UBR2: variants seen among roughly 807,000 people sequenced by gnomAD.
UBR2 encodes ubiquitin protein ligase E3 component n-recognin 2.
In UBR2, 92 loss-of-function variants were observed where a neutral mutation model predicts 247.9. That is an observed-to-expected ratio of 0.37 (90% CI 0.31 to 0.44). UBR2 has a LOEUF of 0.44. UBR2 is among the 20% of genes least tolerant of loss of function. The pLI is 1.00. For missense variants in UBR2, 1,613 were observed against 2,112.6 expected, an observed-to-expected ratio of 0.76 and a Z score of 4.64; for synonymous variants, 672 against 693.5, an observed-to-expected ratio of 0.97 and a Z score of 0.49.
intron 15 of UBR2, among the ~76,000 whole-genome samples, chr6:42,637,540 C>T (rs1215280606): frequency 1.3e-5 from 2 of 152,174 alleles, no homozygotes; most frequent in African/African-American, 4.8e-5. Flanking sequence ...TCATCGAATC[C>T]AGCTTCAAAG....
chr6:42,684,998 G>C, intron 44 of UBR2, 127 bp downstream of exon 44: 1 of 719,230 alleles, frequency 1.4e-6, no homozygotes, highest in Non-Finnish European at 2.1e-6. Context: ...TTTATGAGAG[G>C]AGAGGGAGAA....
chr6:42,571,666 C>T (rs1791149628), intron 1 of UBR2, among the ~76,000 whole-genome samples: 1 of 149,792 alleles, frequency 6.7e-6, no homozygotes, highest in African/African-American at 2.5e-5. Flanking sequence ...TCACTTGAAC[C>T]TGGGAGGCAG....
chr6:42,605,138 TCCCAGTATTTA>T (rs1793622208), intron 5 of UBR2, among the ~76,000 whole-genome samples: 1 of 152,116 alleles, frequency 6.6e-6, no homozygotes, highest in South Asian at 2.1e-4. Context: ...GTGCTCCATC[TCCCAGTATTTA>T]CCTTTGCCAC....
intron 8 of UBR2, among the ~76,000 whole-genome samples, chr6:42,614,177 C>CAAAAAAAA (rs1167450076): frequency 8.8e-5 from 1 of 11,392 alleles, no homozygotes; most frequent in African/African-American, 4.2e-4. Context: ...ACTCTGTCTC[C>CAAAAAAAA]AAAAAAAAAA....
At chr6:42,602,610 TG>T (rs1793454574) in intron 4 of UBR2, among the ~76,000 whole-genome samples, 1 of 150,094 alleles carries the variant, frequency 6.7e-6, no homozygotes, top group Non-Finnish European at 1.5e-5. Flanking sequence ...TGTGTTTTTG[TG>T]TGTGTGTGTG....
In UBR2 at chr6:42,564,207, G is replaced by T; in HGVS notation, c.-113G>T. 8.1e-7 allele frequency: 1 copy of T among 1,236,080 alleles called. No individual in the cohort carries two copies. The highest frequency in any genetic ancestry group is 1.1e-6 in the Non-Finnish European group (1 of 886,578). 76.6% of individuals were successfully genotyped at this position (1,236,080 alleles called of 1,614,324 possible). A position where few individuals can be genotyped will look rare whatever the true frequency, so the allele number is the denominator to read the frequency against. ...CTGTTGCTCCACCTGCAGCCACTTGGACGGCTCCGGGACTGATTGCCTGGG... is the reference window on the plus strand; with the variant it reads ...CTGTTGCTCCACCTGCAGCCACTTGTACGGCTCCGGGACTGATTGCCTGGG... On this transcript the variant is annotated 5_prime_UTR_variant, in exon 1 of 47. Coordinates refer to ENST00000372901, the MANE Select transcript of UBR2 (RefSeq NM_001363705.2).
Position 42,603,508 on chromosome 6 carries a change from G to A in UBR2, c.532-80G>A, listed in dbSNP as rs1371099492. ...AGTCAACTTTTTACTATACTATTTT[G>A]AGGGATGGAAGCAGAATGAAAATTA... On this transcript the variant is annotated intron_variant, in intron 4 of 46. Transcript: ENST00000372901. The A allele has an allele frequency of 3.0e-6, 4 of 1,345,588 alleles. No homozygotes were observed. In the African/African-American group the frequency reaches 4.5e-5, roughly 15 times the overall value. The allele number at this position is 1,345,588 out of a possible 1,614,324, so 83.4% of individuals were successfully genotyped here.
chr6:42,658,646 A>C lies in UBR2; in HGVS notation c.3064A>C (p.Ser1022Arg). The C allele has an allele frequency of 3.1e-6, 5 of 1,592,926 alleles. No homozygotes were observed. Among genetic ancestry groups the C allele is most frequent in the Middle Eastern group, 3.4e-4 (2 of 5,956 alleles). Residue 1022 changes from serine to arginine, a missense_variant and splice_region_variant, in exon 29 of 47, where the codon AGT becomes CGT. This residue lies in a region of UBR2 where 1,524 missense variants were observed against 1,967.3 expected (regional missense o/e 0.77). Transcript: ENST00000372901. The part of the protein sequence containing the change: ...AETEGTIMEE[S>R]SRDKDKAERK... ...CTAATTGAATGGAGCATAATTTCAG[A>C]GTTCAAGGGACAAAGACAAAGCTGA...
chr6:42,586,031 T>G (rs1306244121), intron 2 of UBR2, among the ~76,000 whole-genome samples: 4 of 152,154 alleles, frequency 2.6e-5, no homozygotes, highest in African/African-American at 7.2e-5. Context: ...TCTAACAAAA[T>G]TACACATTCT....
intron 23 of UBR2, among the ~76,000 whole-genome samples, chr6:42,651,147 A>G: frequency 6.6e-6 from 1 of 151,930 alleles, no homozygotes; most frequent in East Asian, 1.9e-4. Flanking sequence ...ACTTGAGCCC[A>G]GGAGGTCAAG....
At chr6:42,646,810 T>TAGAG (rs200969308) in intron 21 of UBR2, among the ~76,000 whole-genome samples, 27 of 146,566 alleles carry the variant, frequency 1.8e-4, no homozygotes, top group African/African-American at 6.1e-4. Context: ...TATATGTTTA[T>TAGAG]ATATATATAT....
At position 42,564,319 on chromosome 6, in the gene UBR2, G is replaced by A. The variant is rs143829853; in HGVS notation, c.-1G>A. On this transcript the variant is annotated 5_prime_UTR_variant, in exon 1 of 47. Coordinates refer to ENST00000372901, the MANE Select transcript of UBR2 (RefSeq NM_001363705.2). ...AGCGCTGGGGAGGAGGAGGAGAGAA[G>A]ATGGCGTCGGAGCTAGAGCCAGAGG... 2.2e-3 allele frequency: 3,557 copies of A among 1,609,992 alleles called. 11 individuals are homozygous for A. The highest frequency in any genetic ancestry group is 7.5e-3 in the Middle Eastern group (45 of 5,986).
Position 42,651,905 on chromosome 6 carries a change from T to C in UBR2, c.2566-118T>C, listed in dbSNP as rs530881099. On this transcript the variant is annotated intron_variant, in intron 23 of 46. Transcript: ENST00000372901. The stretch of plus-strand genomic sequence containing the variant: ...GGTGGGCAGATCACAAGGTCAGGAG[T>C]TCAAGACCAGCCTGGCCAACATAGT... The C allele has an allele frequency of 7.0e-5, 66 of 943,164 alleles. 1 individual carries two copies. The African/African-American group carries it at 9.5e-4, about 14-fold the overall frequency. 58.4% of individuals were successfully genotyped at this position (943,164 alleles called of 1,614,324 possible).
In UBR2 at chr6:42,632,829, T is replaced by C; in HGVS notation, c.1470T>C (p.Thr490=). 6.2e-7 allele frequency: 1 copy of C among 1,603,300 alleles called. No homozygotes were observed. The highest frequency in any genetic ancestry group is 8.5e-7 in the Non-Finnish European group (1 of 1,177,304). Residue 490 remains threonine (T), a synonymous_variant, in exon 13 of 47, where the codon ACT becomes ACC. Coordinates refer to ENST00000372901, the MANE Select transcript of UBR2 (RefSeq NM_001363705.2). ...DLKYVLISKP[T]EWSDELRQKF... The stretch of plus-strand genomic sequence containing the variant: ...GGTATGTGTTAATTAGCAAACCAAC[T>C]GAATGGTCAGATGAGCTGAGGCAGA...
Position 42,670,090 on chromosome 6 carries a change from A to G in UBR2, c.3882-2A>G, listed in dbSNP as rs1449464181. 1 of 1,613,738 alleles carries G rather than the reference A, an allele frequency of 6.2e-7. No individual in the cohort carries two copies. Among genetic ancestry groups the G allele is most frequent in the Non-Finnish European group, 8.5e-7 (1 of 1,179,694 alleles). The stretch of plus-strand genomic sequence containing the variant: ...AGCTAATTTTATACATGTTTACTTC[A>G]GGATCCCTTATTCTGAGAGCATAAA... On this transcript the variant is annotated splice_acceptor_variant, in intron 34 of 46. Coordinates refer to ENST00000372901, the MANE Select transcript of UBR2 (RefSeq NM_001363705.2). LOFTEE classifies it high-confidence loss of function.
intron 2 of UBR2, among the ~76,000 whole-genome samples, chr6:42,574,447 C>T (rs572080462): frequency 1.3e-5 from 2 of 152,250 alleles, no homozygotes; most frequent in Admixed American, 6.5e-5. Context: ...TGCTCTGACC[C>T]GTATGTACAA....
At chr6:42,607,517 T>TTTG (rs375875260) in intron 7 of UBR2, among the ~76,000 whole-genome samples, 3 of 151,686 alleles carry the variant, frequency 2.0e-5, no homozygotes, top group South Asian at 2.1e-4. Flanking sequence ...TTATTATCAT[T>TTTG]TTGTTGTTGT....
intron 44 of UBR2, 138 bp downstream of exon 44, chr6:42,685,009 A>G: frequency 3.0e-6 from 2 of 658,392 alleles, no homozygotes; most frequent in South Asian, 2.4e-5. Context: ...AGAGGGAGAA[A>G]AAAGGAAAAA....
At chr6:42,594,481 T>C (rs772627760) in intron 4 of UBR2, among the ~76,000 whole-genome samples, 177 bp downstream of exon 4, 4 of 152,248 alleles carry the variant, frequency 2.6e-5, no homozygotes, top group South Asian at 2.1e-4. Flanking sequence ...TAGTACACAG[T>C]TGAAATTTGG....
Sources: allele counts gnomAD v4.1 joint callset (sites outside exome capture counted in the v4.1 genomes callset), GRCh38; gene constraint gnomAD v4.1.1; regional missense constraint gnomAD v4.1.1; transcripts MANE v1.5; gene names NCBI Gene and HGNC (gene_info 2026-07-23, HGNC 2026-07-21).